SLK: variants seen among roughly 807,000 people sequenced by gnomAD.
The protein encoded by SLK is STE20 like kinase, also known as STE20-like serine/threonine-protein kinase.
SLK carries 67 observed loss-of-function variants against 147.7 expected under a neutral mutation model. The observed-to-expected ratio is 0.45, with a 90% CI of 0.37 to 0.56. The LOEUF is 0.56. Among genes scored for constraint, SLK ranks in the 20% least tolerant of loss-of-function variants. The pLI is 0.00. For missense variants in SLK, 1,136 were observed against 1,438.8 expected (o/e 0.79, Z 3.41); for synonymous variants, 441 against 475.0 (o/e 0.93, Z 0.93).
intron 1 of SLK, among the ~76,000 whole-genome samples, chr10:103,986,191 T>C (rs962802286): frequency 6.6e-6 from 1 of 152,038 alleles, no homozygotes; most frequent in African/African-American, 2.4e-5. Flanking sequence ...AAGTGTGTTA[T>C]GTTTATTGTA....
intron 13 of SLK, among the ~76,000 whole-genome samples, chr10:104,017,801 A>G (rs1564663521): frequency 1.3e-5 from 2 of 152,100 alleles, no homozygotes; most frequent in Non-Finnish European, 1.5e-5. Flanking sequence ...TTTCTTATTT[A>G]TCCTTGTTTT....
At position 104,002,687 on chromosome 10, in the gene SLK, T is replaced by A; in HGVS notation, c.1509T>A (p.Ser503=). 6.2e-7 allele frequency: 1 copy of A among 1,611,590 alleles called. No homozygotes were observed. Among genetic ancestry groups the A allele is most frequent in the South Asian group, 1.1e-5 (1 of 90,888 alleles). ...TTTTGCAAACAGTAGATTTAGTTTC[T>A]CAAGAGACTGGAGAAAAAGAGGCAA... ...DTILQTVDLV[S]QETGEKEANI... is the part of the protein sequence containing the mutation. Residue 503 remains serine, a synonymous_variant, in exon 9 of 19, where the codon TCT becomes TCA. Coordinates refer to ENST00000369755, the MANE Select transcript of SLK (RefSeq NM_014720.4).
chr10:104,022,655 T>G lies in SLK; in HGVS notation c.3561+922T>G, dbSNP rs537733549. On this transcript the variant is annotated intron_variant, in intron 18 of 18. Transcript: ENST00000369755. ...CAGAGTCTCACTCTGTCGCCCAGGC[T>G]GGAGTGCAATGGTGCGATCTCGGCT... Among the ~76,000 whole-genome samples, 3 of 152,330 alleles carry G rather than the reference T, an allele frequency of 2.0e-5. No homozygotes were observed. In the East Asian group the frequency reaches 5.8e-4, roughly 29 times the overall value.
At chr10:104,023,959 C>A (rs1306149208) in intron 18 of SLK, among the ~76,000 whole-genome samples, 1 of 152,168 alleles carries the variant, frequency 6.6e-6, no homozygotes, top group Admixed American at 6.5e-5. Context: ...CCTTTTCCTT[C>A]ATCTCCATCT....
intron 3 of SLK, 68 bp from the exon 4 acceptor site, chr10:103,992,916 G>A (rs542720076): frequency 5.3e-6 from 6 of 1,135,446 alleles, no homozygotes; most frequent in South Asian, 2.7e-5. Flanking sequence ...ATACAGAAAG[G>A]TATATAGCCT....
chr10:103,985,878 C>T (rs1041640310), intron 1 of SLK, among the ~76,000 whole-genome samples: 14 of 151,966 alleles, frequency 9.2e-5, no homozygotes, highest in Admixed American at 9.2e-4. Context: ...AATATGAAAC[C>T]AGTATGGAAC....
Position 103,987,093 on chromosome 10 carries a change from T to A in SLK, c.151-3582T>A, listed in dbSNP as rs544850506. On this transcript the variant is annotated intron_variant, in intron 1 of 18. Coordinates refer to ENST00000369755, the MANE Select transcript of SLK (RefSeq NM_014720.4). ...TGTCACACACTTGTAAATATTTATT[T>A]CAGTTTTGTTTTTTTAAAGTTTTTT... Among the ~76,000 whole-genome samples, 16 of 152,336 alleles carry A rather than the reference T, an allele frequency of 1.1e-4. No individual in the cohort carries two copies. In the South Asian group the frequency reaches 3.1e-3, roughly 30 times the overall value.
chr10:104,019,806 G>T lies in SLK; in HGVS notation c.3205G>T (p.Ala1069Ser). 6.2e-7 allele frequency: 1 copy of T among 1,614,072 alleles called. No individual in the cohort carries two copies. The highest frequency in any genetic ancestry group is 8.5e-7 in the Non-Finnish European group (1 of 1,179,914). Residue 1069 changes from alanine to serine, a missense_variant, in exon 16 of 19, where the codon GCA (alanine) becomes TCA (serine). By Grantham distance (99) the Ala-to-Ser change is moderately conservative. Around this residue, in one of 6 missense-constraint regions of SLK, gnomAD observed 327 missense variants for 457.5 expected, o/e 0.71. Coordinates refer to ENST00000369755, the MANE Select transcript of SLK (RefSeq NM_014720.4). ...GAAAAACAGACAGACTCAAGAAAGA[G>T]CAAGACTGCCCAAGATTCAGCGCAG... is the stretch of plus-strand genomic sequence containing the variant. ...ELKNRQTQERARLPKIQRSEA... is the reference protein window; with the variant it reads ...ELKNRQTQERSRLPKIQRSEA...
intron 11 of SLK, 93 bp from the exon 12 acceptor site, chr10:104,008,084 A>G: frequency 1.1e-6 from 1 of 909,916 alleles, no homozygotes. Flanking sequence ...CTAAATTTAA[A>G]TACTAGTTAT....
At chr10:103,984,271 A>G (rs371284883) in intron 1 of SLK, among the ~76,000 whole-genome samples, 1 of 152,168 alleles carries the variant, frequency 6.6e-6, no homozygotes, top group African/African-American at 2.4e-5. Context: ...AATATTTCCA[A>G]TTTATATAGG....
At chr10:104,020,427 T>G in intron 16 of SLK, 61 bp from the exon 17 acceptor site, 1 of 1,494,144 alleles carries the variant, frequency 6.7e-7, no homozygotes, top group East Asian at 2.3e-5. Context: ...CTTTATATCT[T>G]CAGAATATAT....
Position 104,010,902 on chromosome 10 carries a change from T to C in SLK, c.2871T>C (p.His957=). 6.3e-7 allele frequency: 1 copy of C among 1,577,920 alleles called. No homozygotes were observed. The highest frequency in any genetic ancestry group is 8.6e-7 in the Non-Finnish European group (1 of 1,168,494). The part of the protein sequence containing the change: ...RRKEELAQSQ[H]AQEQEFVQKQ... ...AAGAGGAGCTTGCACAAAGCCAGCA[T>C]GCTCAGGTAACAGCAGCAGCTTAAT... The change falls in exon 13 of 19, where the codon CAT becomes CAC. Residue 957 remains histidine (H), a synonymous_variant. Coordinates refer to ENST00000369755, the MANE Select transcript of SLK (RefSeq NM_014720.4).
chr10:103,991,944 C>G (rs1274011689), intron 2 of SLK, among the ~76,000 whole-genome samples: 1 of 151,698 alleles, frequency 6.6e-6, no homozygotes, highest in African/African-American at 2.4e-5. Flanking sequence ...AAAATTTAGA[C>G]AACTGTGAGG....
intron 1 of SLK, among the ~76,000 whole-genome samples, chr10:103,981,828 T>C (rs560467719): frequency 2.0e-5 from 3 of 152,164 alleles, no homozygotes; most frequent in Non-Finnish European, 4.4e-5. Context: ...TGAGATTCCA[T>C]GTGAATTTTG....
At chr10:104,005,411 T>C (rs1844311465) in intron 9 of SLK, 150 bp from the exon 10 acceptor site, 1 of 650,694 alleles carries the variant, frequency 1.5e-6, no homozygotes, top group African/African-American at 1.9e-5. Context: ...GATGAGTCTA[T>C]TGCTTTATAT....
At chr10:104,018,722 A>G (rs1844496368) in intron 14 of SLK, 62 bp from the exon 15 acceptor site, 3 of 1,526,294 alleles carry the variant, frequency 2.0e-6, no homozygotes, top group Non-Finnish European at 2.7e-6. Context: ...TATTAAAATG[A>G]AGAGCAAAGT....
At position 103,974,655 on chromosome 10, in the gene SLK, C is replaced by CTT. The variant is rs568337016; in HGVS notation, c.150+6772_150+6773dup. The CTT allele has an allele frequency of 3.0e-4, 9 of 30,188 alleles. 2 individuals are homozygous for CTT. The highest frequency in any genetic ancestry group is 6.2e-4 in the Non-Finnish European group (8 of 12,964). The allele number at this position is 30,188 out of a possible 1,614,324, so 1.9% of individuals were successfully genotyped here. On this transcript the variant is annotated intron_variant, in intron 1 of 18. Coordinates refer to ENST00000369755, the MANE Select transcript of SLK (RefSeq NM_014720.4). ...AAAAAAAAAAAGTTCATCTTTTGGC[C>CTT]TTTTTTTTTTTTTGAGATGGAGTCT...
chr10:104,001,572 G>A lies in SLK; in HGVS notation c.993G>A (p.Leu331=). The change falls in exon 8 of 19, where the codon CTG becomes CTA. Residue 331 remains leucine, a splice_region_variant and synonymous_variant. Coordinates refer to ENST00000369755, the MANE Select transcript of SLK (RefSeq NM_014720.4). ...AAGAGGAGGAAACAGAAAATTCTCT[G>A]GTCAGTATTTAGGAAAGAAATTTCA... The part of the protein sequence containing the change: ...EDEEEETENS[L]PIPASKRASS... The A allele has an allele frequency of 6.2e-7, 1 of 1,613,420 alleles. No individual in the cohort carries two copies.
At chr10:104,007,123 A>C (rs1204759910) in intron 11 of SLK, among the ~76,000 whole-genome samples, 1 of 152,128 alleles carries the variant, frequency 6.6e-6, no homozygotes. Context: ...TGACAATCTT[A>C]TTATTAAATA....
Sources: allele counts gnomAD v4.1 joint callset (sites outside exome capture counted in the v4.1 genomes callset), GRCh38; gene constraint gnomAD v4.1.1; regional missense constraint gnomAD v4.1.1; transcripts MANE v1.5; gene names NCBI Gene and HGNC (gene_info 2026-07-23, HGNC 2026-07-21).